Variants in CELF1 observed in about 807,000 individuals in gnomAD.
CELF1 encodes 50 kDa nuclear polyadenylated RNA-binding protein.
Under a neutral mutation model 61.8 loss-of-function variants are expected in CELF1, and 10 were observed. The observed-to-expected ratio is 0.16, with a 90% CI of 0.10 to 0.27. The LOEUF is 0.27. CELF1 is among the 10% of genes least tolerant of loss of function. CELF1 has a pLI of 1.00. For synonymous variants in CELF1, 236 were observed against 225.1 expected, an observed-to-expected ratio of 1.05 and a Z score of -0.43; for missense variants, 380 against 639.1, an observed-to-expected ratio of 0.59 and a Z score of 4.37.
intron 1 of CELF1, among the ~76,000 whole-genome samples, chr11:47,543,551 G>T (rs12285933): frequency 0.12 from 18,251 of 152,228 alleles, 1,174 homozygotes; most frequent in Non-Finnish European, 0.14. Flanking sequence ...TCTACTTTAA[G>T]AAGATTCTAA....
rs191299686 is a variant in CELF1 at position 47,475,297 on chromosome 11, C to T, written c.1273+39G>A. 9.7e-5 allele frequency: 155 copies of T among 1,600,682 alleles called. 1 individual carries two copies. In the African/African-American group the frequency reaches 1.5e-3, roughly 15 times the overall value. ...TTCCGTTCTGGTATAGGAGGAAAAC[C>T]GCCCCCCATACCTGACCCCGATCTC... On this transcript the variant is annotated intron_variant, in intron 13 of 14. Transcript: ENST00000687097.
chr11:47,499,664 C>T (rs986372035), intron 2 of CELF1, 60 bp from the exon 3 acceptor site: 1 of 655,342 alleles, frequency 1.5e-6, no homozygotes, highest in Non-Finnish European at 2.7e-6. Context: ...GCAATAAGTG[C>T]CACAGAAAGA....
chr11:47,527,773 A>T (rs1196462754), intron 1 of CELF1, among the ~76,000 whole-genome samples: 3 of 152,182 alleles, frequency 2.0e-5, no homozygotes, highest in Non-Finnish European at 4.4e-5. Context: ...TCTACTAAAA[A>T]TACTTGTGTG....
At chr11:47,503,696 C>T (rs1302487017) in intron 1 of CELF1, among the ~76,000 whole-genome samples, 2 of 152,130 alleles carry the variant, frequency 1.3e-5, no homozygotes, top group African/African-American at 4.8e-5. Flanking sequence ...TTGCACAGTA[C>T]CTTTTTGGAC....
At chr11:47,502,444 A>G (rs147353537) in intron 1 of CELF1, among the ~76,000 whole-genome samples, 6 of 152,328 alleles carry the variant, frequency 3.9e-5, no homozygotes, top group African/African-American at 1.4e-4. Flanking sequence ...CAAAAATGCA[A>G]ATATTAAGGG....
intron 1 of CELF1, among the ~76,000 whole-genome samples, chr11:47,501,267 G>C (rs1441687338): frequency 6.6e-6 from 1 of 152,226 alleles, no homozygotes; most frequent in African/African-American, 2.4e-5. Context: ...GCAAGTGAGA[G>C]GAGACTGTGC....
At chr11:47,533,088 C>G (rs929344855) in intron 1 of CELF1, among the ~76,000 whole-genome samples, 1 of 151,236 alleles carries the variant, frequency 6.6e-6, no homozygotes, top group Non-Finnish European at 1.5e-5. Flanking sequence ...TTTTCTATCA[C>G]AGTATTTTTT....
chr11:47,552,960 G>A, intron 1 of CELF1, 32 bp downstream of exon 1: 1 of 383,202 alleles, frequency 2.6e-6, no homozygotes, highest in Admixed American at 4.5e-5. Flanking sequence ...CCTCCCTCCC[G>A]CGGCCCGTTA....
At chr11:47,483,649 AG>A (rs2153445827) in intron 7 of CELF1, 117 bp from the exon 8 acceptor site, 5 of 745,052 alleles carry the variant, frequency 6.7e-6, no homozygotes, top group Admixed American at 6.1e-5. Flanking sequence ...CCCTGTTTTC[AG>A]GGAATCATGT....
At chr11:47,488,722 G>T in intron 4 of CELF1, 115 bp downstream of exon 4, 1 of 752,840 alleles carries the variant, frequency 1.3e-6, no homozygotes, top group Non-Finnish European at 2.0e-6. Flanking sequence ...GAATGCACAT[G>T]AAAGAAATTA....
intron 1 of CELF1, among the ~76,000 whole-genome samples, chr11:47,540,921 G>A (rs1598368879): frequency 6.6e-6 from 1 of 151,856 alleles, no homozygotes; most frequent in Admixed American, 6.6e-5. Flanking sequence ...CAAAAAACAG[G>A]CAAGCAGCCA....
chr11:47,556,546 T>C (rs2097206425), upstream of CELF1, among the ~76,000 whole-genome samples: 1 of 152,160 alleles, frequency 6.6e-6, no homozygotes. Context: ...TATGGTTCAT[T>C]CATAGCCATA....
chr11:47,489,932 C>CTTTTTTTTTTTTTT (rs530410346), intron 3 of CELF1, among the ~76,000 whole-genome samples: 13 of 23,436 alleles, frequency 5.5e-4, no homozygotes, highest in African/African-American at 1.5e-3. Flanking sequence ...AACATACCAT[C>CTTTTTTTTTTTTTT]TTGTTTTTTT....
At chr11:47,506,152 C>A (rs1179640423) in intron 1 of CELF1, among the ~76,000 whole-genome samples, 1 of 150,682 alleles carries the variant, frequency 6.6e-6, no homozygotes, top group East Asian at 1.9e-4. Context: ...GCAGGCTGGG[C>A]GCGGTGGCTC....
chr11:47,558,740 G>GTATATATAA (rs1283322799), intron 2 of CELF1, among the ~76,000 whole-genome samples: 2 of 94,320 alleles, frequency 2.1e-5, no homozygotes, highest in African/African-American at 4.5e-5. Context: ...ATATATAATT[G>GTATATATAA]TATATATAAT....
chr11:47,520,599 G>A (rs573676483), intron 1 of CELF1, among the ~76,000 whole-genome samples: 2 of 151,768 alleles, frequency 1.3e-5, no homozygotes, highest in South Asian at 2.1e-4. Flanking sequence ...CTTGAGCTCA[G>A]GAGTTCAAGA....
chr11:47,481,444 T>G (rs940812867), intron 9 of CELF1, among the ~76,000 whole-genome samples: 2 of 152,104 alleles, frequency 1.3e-5, no homozygotes, highest in Admixed American at 1.3e-4. Context: ...CTGGGATTTC[T>G]TATAAGATAT....
chr11:47,553,271 AGCGCCGG>A (rs1436478301), upstream of CELF1, among the ~76,000 whole-genome samples: 1 of 151,942 alleles, frequency 6.6e-6, no homozygotes, highest in East Asian at 1.9e-4. Flanking sequence ...GGGCGGGCCG[AGCGCCGG>A]GCGCTGCAGC....
At chr11:47,488,030 T>C (rs2088694998) in intron 4 of CELF1, among the ~76,000 whole-genome samples, 1 of 152,234 alleles carries the variant, frequency 6.6e-6, no homozygotes, top group Non-Finnish European at 1.5e-5. Flanking sequence ...TATTATACTT[T>C]ATATTTTTAG....
Sources: allele counts gnomAD v4.1 joint callset (sites outside exome capture counted in the v4.1 genomes callset), GRCh38; gene constraint gnomAD v4.1.1; transcripts MANE v1.5; gene names NCBI Gene and HGNC (gene_info 2026-07-23, HGNC 2026-07-21).